TET2: variants seen among roughly 807,000 people sequenced by gnomAD.
TET2 encodes the protein tet methylcytosine dioxygenase 2.
TET2 carries 299 observed loss-of-function variants against 142.9 expected under a neutral mutation model. The observed-to-expected ratio is 2.09, with a 90% CI of 1.90 to 2.30. The LOEUF is 2.30. Among genes scored for constraint, TET2 ranks in the 30% most tolerant of loss-of-function variants. The probability of loss-of-function intolerance (pLI) is 0.00; values close to 1 mark genes in which losing one functional copy is unlikely to be tolerated. For missense variants in TET2, 2,418 were observed against 2,378.0 expected (o/e 1.02, Z -0.35); for synonymous variants, 819 against 849.0 (o/e 0.96, Z 0.61).
intron 1 of TET2, among the ~76,000 whole-genome samples, chr4:105,189,102 T>A (rs1725632039): frequency 6.6e-6 from 1 of 152,066 alleles, no homozygotes; most frequent in Non-Finnish European, 1.5e-5. Context: ...AAGCAACGTG[T>A]CCCAGTCTCA....
At chr4:105,203,639 A>G (rs1204051200) in intron 2 of TET2, among the ~76,000 whole-genome samples, 1 of 151,630 alleles carries the variant, frequency 6.6e-6, no homozygotes, top group Non-Finnish European at 1.5e-5. Flanking sequence ...ACATTACATT[A>G]CACAGAAGGG....
At chr4:105,172,027 G>C (rs139236635) in intron 1 of TET2, among the ~76,000 whole-genome samples, 105 of 152,178 alleles carry the variant, frequency 6.9e-4, no homozygotes, top group Non-Finnish European at 1.2e-3. Flanking sequence ...AAAGCCTACT[G>C]TTTCTTCATC....
intron 2 of TET2, among the ~76,000 whole-genome samples, chr4:105,204,505 G>T (rs1297354109): frequency 2.6e-5 from 4 of 152,040 alleles, no homozygotes; most frequent in Non-Finnish European, 4.4e-5. Context: ...AAAACTGTTA[G>T]TTTTCCCTTC....
At chr4:105,184,224 AT>A (rs1267221088) in intron 1 of TET2, among the ~76,000 whole-genome samples, 3 of 152,218 alleles carry the variant, frequency 2.0e-5, no homozygotes, top group East Asian at 3.8e-4. Flanking sequence ...ATTTTAAAAA[AT>A]ATTCCCTCAT....
intron 1 of TET2, among the ~76,000 whole-genome samples, chr4:105,181,603 A>T (rs1725126545): frequency 6.6e-6 from 1 of 152,238 alleles, no homozygotes. Flanking sequence ...GTAATTCTGT[A>T]CAATCTCCTA....
chr4:105,254,578 A>AT (rs1328208909), intron 6 of TET2, among the ~76,000 whole-genome samples: 14 of 151,984 alleles, frequency 9.2e-5, no homozygotes, highest in African/African-American at 3.4e-4. Context: ...TGCCTGGCTA[A>AT]TTTTTTTATT....
At chr4:105,248,485 C>G (rs889709215) in intron 6 of TET2, among the ~76,000 whole-genome samples, 38 of 152,152 alleles carry the variant, frequency 2.5e-4, no homozygotes, top group African/African-American at 8.7e-4. Flanking sequence ...AATATTTGCC[C>G]TTTATATCAT....
intron 6 of TET2, among the ~76,000 whole-genome samples, chr4:105,252,339 A>G (rs2110271848): frequency 6.6e-6 from 1 of 152,272 alleles, no homozygotes; most frequent in African/African-American, 2.4e-5. Flanking sequence ...ATTTTCCACC[A>G]TGTCATGATC....
chr4:105,215,984 C>G (rs549963804), intron 2 of TET2, among the ~76,000 whole-genome samples: 1 of 152,252 alleles, frequency 6.6e-6, no homozygotes, highest in South Asian at 2.1e-4. Flanking sequence ...GACTAAAGTA[C>G]CTTTTCTATT....
chr4:105,162,086 C>G (rs554241441), intron 1 of TET2, among the ~76,000 whole-genome samples: 23 of 152,198 alleles, frequency 1.5e-4, no homozygotes, highest in Non-Finnish European at 3.1e-4. Flanking sequence ...TGCACAGAAT[C>G]CTTGGGGTCT....
intron 2 of TET2, among the ~76,000 whole-genome samples, chr4:105,222,545 C>A (rs760110251): frequency 1.5e-4 from 23 of 152,164 alleles, no homozygotes; most frequent in Non-Finnish European, 2.9e-4. Flanking sequence ...GTGCTTCGCC[C>A]ACTTTTTGAT....
chr4:105,216,549 G>T (rs901536108), intron 2 of TET2, among the ~76,000 whole-genome samples: 2 of 151,972 alleles, frequency 1.3e-5, no homozygotes, highest in Non-Finnish European at 1.5e-5. Flanking sequence ...CAACTTTTAG[G>T]TTGTTGGTGA....
intron 8 of TET2, among the ~76,000 whole-genome samples, chr4:105,263,876 G>A (rs1236835934): frequency 1.3e-5 from 2 of 152,050 alleles, no homozygotes; most frequent in Admixed American, 1.3e-4. Flanking sequence ...AGTGAAAGAG[G>A]GAGATGGATG....
intron 2 of TET2, among the ~76,000 whole-genome samples, chr4:105,194,626 C>G (rs1305370733): frequency 1.3e-5 from 2 of 152,058 alleles, no homozygotes; most frequent in Non-Finnish European, 2.9e-5. Context: ...AGTCATTGTT[C>G]TAGCAAGCCT....
At chr4:105,190,759 G>A (rs889529612) in intron 2 of TET2, 10 of 397,166 alleles carry the variant, frequency 2.5e-5, no homozygotes, top group Non-Finnish European at 1.8e-5. Flanking sequence ...TGTCTATGGA[G>A]TTTTTAAAAA....
chr4:105,234,982 C>T lies in TET2; in HGVS notation c.1040C>T (p.Ala347Val), dbSNP rs755979073. 8.1e-6 allele frequency: 13 copies of T among 1,613,782 alleles called. No individual in the cohort carries two copies. The highest frequency in any genetic ancestry group is 5.5e-5 in the South Asian group (5 of 91,050). Reference protein sequence around the residue: ...ENNIQGTTKLASGEEFCSGSS... With the variant: ...ENNIQGTTKLVSGEEFCSGSS... ...AACATCCAGGGAACCACAAAGCTAG[C>T]GTCTGGTGAAGAATTCTGTTCAGGT... Residue 347 changes from alanine (A) to valine (V), a missense_variant, in exon 3 of 11, where the codon GCG (alanine) becomes GTG (valine). Ala to Val is a moderately conservative substitution (Grantham distance 64). Coordinates refer to ENST00000380013, the MANE Select transcript of TET2 (RefSeq NM_001127208.3).
chr4:105,213,234 A>G (rs1265461962), intron 2 of TET2, among the ~76,000 whole-genome samples: 2 of 152,208 alleles, frequency 1.3e-5, no homozygotes, highest in Admixed American at 6.5e-5. Flanking sequence ...TATAAGCATA[A>G]TGATATAACC....
At chr4:105,177,175 C>T (rs1297520249) in intron 1 of TET2, among the ~76,000 whole-genome samples, 1 of 152,036 alleles carries the variant, frequency 6.6e-6, no homozygotes, top group Non-Finnish European at 1.5e-5. Context: ...TATAAAACTC[C>T]CAGAAGATAA....
At chr4:105,262,441 CTCA>C (rs1730487843) in intron 8 of TET2, among the ~76,000 whole-genome samples, 1 of 151,900 alleles carries the variant, frequency 6.6e-6, no homozygotes, top group Non-Finnish European at 1.5e-5. Flanking sequence ...TCAGAAATCT[CTCA>C]TCATGAAGGC....
Sources: allele counts gnomAD v4.1 joint callset (sites outside exome capture counted in the v4.1 genomes callset), GRCh38; gene constraint gnomAD v4.1.1; transcripts MANE v1.5; gene names NCBI Gene and HGNC (gene_info 2026-07-23, HGNC 2026-07-21).